SPMAP2L: variants seen among roughly 807,000 people sequenced by gnomAD.
SPMAP2L encodes the protein sperm microtubule associated protein 2-like.
chr4:56,548,767 C>A, the SPMAP2L span: 1 of 1,460,608 alleles, frequency 6.8e-7, no homozygotes, highest in South Asian at 1.4e-5. Flanking sequence ...CTAATTTTTG[C>A]TTTTACTTTT....
chr4:56,597,946 T>C, the SPMAP2L span, among the ~76,000 whole-genome samples: 1 of 152,154 alleles, frequency 6.6e-6, no homozygotes, highest in African/African-American at 2.4e-5. Flanking sequence ...CACTGCAGCC[T>C]CAACCTTCTG....
At chr4:56,554,937 CTT>C in the SPMAP2L span, among the ~76,000 whole-genome samples, 201 of 93,406 alleles carry the variant, frequency 2.2e-3, no homozygotes, top group African/African-American at 4.2e-3. Context: ...ACTATCATTT[CTT>C]TTTTTTTTTT....
the SPMAP2L span, among the ~76,000 whole-genome samples, chr4:56,603,697 G>T: frequency 6.6e-6 from 1 of 152,104 alleles, no homozygotes; most frequent in Non-Finnish European, 1.5e-5. Context: ...CCCAGTAACT[G>T]ATCCTACCTC....
chr4:56,541,261 A>G, the SPMAP2L span, among the ~76,000 whole-genome samples: 1 of 152,238 alleles, frequency 6.6e-6, no homozygotes, highest in Non-Finnish European at 1.5e-5. Context: ...TTTAAAAAAT[A>G]GAGCTAAAAT....
chr4:56,575,418 A>C, the SPMAP2L span: 4 of 1,397,450 alleles, frequency 2.9e-6, no homozygotes, highest in Middle Eastern at 1.8e-4. Flanking sequence ...CTGCTCCCCT[A>C]GGCCTGGGGA....
chr4:56,599,665 G>C, the SPMAP2L span, among the ~76,000 whole-genome samples: 1 of 152,106 alleles, frequency 6.6e-6, no homozygotes, highest in South Asian at 2.1e-4. Context: ...TTGGTTTTCT[G>C]TTCCTGTGTT....
the SPMAP2L span, among the ~76,000 whole-genome samples, chr4:56,570,978 A>G: frequency 6.6e-6 from 1 of 151,766 alleles, no homozygotes; most frequent in Non-Finnish European, 1.5e-5. Context: ...TAACTTTTGT[A>G]TTTTTAGTAG....
chr4:56,611,353 C>T, the SPMAP2L span, among the ~76,000 whole-genome samples: 355 of 152,182 alleles, frequency 2.3e-3, no homozygotes, highest in Middle Eastern at 0.01. Context: ...AGTGTATGTT[C>T]TCATAGGTGG....
At chr4:56,586,338 G>A in the SPMAP2L span, among the ~76,000 whole-genome samples, 4 of 152,172 alleles carry the variant, frequency 2.6e-5, no homozygotes, top group Non-Finnish European at 5.9e-5. Flanking sequence ...CGATTTTGCT[G>A]TATACTCACA....
the SPMAP2L span, among the ~76,000 whole-genome samples, chr4:56,622,934 T>C: frequency 6.6e-6 from 1 of 152,000 alleles, no homozygotes; most frequent in Non-Finnish European, 1.5e-5. Flanking sequence ...GGTGCTAAGA[T>C]GTTGAGTGGT....
chr4:56,532,821 C>G, the SPMAP2L span, among the ~76,000 whole-genome samples: 1 of 152,198 alleles, frequency 6.6e-6, no homozygotes, highest in African/African-American at 2.4e-5. Context: ...GATCTCCTCA[C>G]TTGGAAAGAT....
the SPMAP2L span, among the ~76,000 whole-genome samples, chr4:56,615,175 C>T: frequency 6.6e-6 from 1 of 152,230 alleles, no homozygotes; most frequent in Non-Finnish European, 1.5e-5. Flanking sequence ...TTTACCTCCT[C>T]AGCGTTGGTG....
the SPMAP2L span, chr4:56,596,556 A>G: frequency 6.5e-7 from 1 of 1,533,822 alleles, no homozygotes; most frequent in Non-Finnish European, 8.7e-7. Context: ...CAAGAATTAT[A>G]GAGCTTGCCC....
chr4:56,623,232 A>AC, the SPMAP2L span, among the ~76,000 whole-genome samples: 8 of 152,146 alleles, frequency 5.3e-5, no homozygotes, highest in Non-Finnish European at 8.8e-5. Flanking sequence ...TGCTCCTAGA[A>AC]CCCACAGCCT....
the SPMAP2L span, among the ~76,000 whole-genome samples, chr4:56,619,349 T>C: frequency 6.6e-6 from 1 of 152,212 alleles, no homozygotes. Context: ...AGCTTATTCA[T>C]CTGGCTTTAC....
At chr4:56,576,092 G>T in the SPMAP2L span, among the ~76,000 whole-genome samples, 3 of 152,176 alleles carry the variant, frequency 2.0e-5, no homozygotes, top group Admixed American at 6.6e-5. Flanking sequence ...TCAATGTTAG[G>T]TTGCATTAGT....
the SPMAP2L span, among the ~76,000 whole-genome samples, chr4:56,538,483 T>G: frequency 2.6e-5 from 4 of 152,278 alleles, no homozygotes; most frequent in East Asian, 7.7e-4. Flanking sequence ...CATGAGACTT[T>G]CTCTAAAAAG....
chr4:56,551,616 G>A, the SPMAP2L span, among the ~76,000 whole-genome samples: 2 of 152,158 alleles, frequency 1.3e-5, no homozygotes, highest in African/African-American at 4.8e-5. Flanking sequence ...GGTTTCTAAA[G>A]ATGGTAGACC....
chr4:56,590,652 A>G, the SPMAP2L span, among the ~76,000 whole-genome samples: 1 of 152,216 alleles, frequency 6.6e-6, no homozygotes, highest in Admixed American at 6.5e-5. Context: ...TAAGTTGAAA[A>G]TTACATTAAG....
Sources: allele counts gnomAD v4.1 joint callset (sites outside exome capture counted in the v4.1 genomes callset), GRCh38; gene constraint gnomAD v4.1.1; transcripts MANE v1.5; gene names NCBI Gene and HGNC (gene_info 2026-07-23, HGNC 2026-07-21).